SLF1: variants seen among roughly 807,000 people sequenced by gnomAD.
SLF1 encodes SMC5-SMC6 complex localization factor protein 1.
A neutral mutation model predicts 123.0 loss-of-function variants in SLF1; 105 were observed. The observed-to-expected ratio is 0.85, with a 90% CI of 0.73 to 1.00. The LOEUF (loss-of-function observed/expected upper bound fraction) is 1.00. Among genes scored for constraint, SLF1 ranks in the 50% least tolerant of loss-of-function variants. SLF1 has a pLI of 0.00. For missense variants in SLF1, 1,239 were observed against 1,223.0 expected, an observed-to-expected ratio of 1.01 and a Z score of -0.20; for synonymous variants, 434 against 406.6, an observed-to-expected ratio of 1.07 and a Z score of -0.81.
At chr5:94,664,610 A>G (rs1181494774) in intron 11 of SLF1, among the ~76,000 whole-genome samples, 3 of 152,250 alleles carry the variant, frequency 2.0e-5, no homozygotes, top group African/African-American at 7.2e-5. Flanking sequence ...CATAACAGGC[A>G]TAAGCTTTGT....
At chr5:94,642,498 G>T (rs2152473775) in intron 4 of SLF1, among the ~76,000 whole-genome samples, 1 of 152,330 alleles carries the variant, frequency 6.6e-6, no homozygotes, top group Non-Finnish European at 1.5e-5. Context: ...TAGTTTGGTT[G>T]TCCAGTCTCT....
intron 1 of SLF1, among the ~76,000 whole-genome samples, chr5:94,624,838 C>T (rs1207143713): frequency 6.6e-6 from 1 of 151,800 alleles, no homozygotes; most frequent in African/African-American, 2.4e-5. Flanking sequence ...GACCTTGAAA[C>T]TCTAAAATAC....
chr5:94,690,866 T>C (rs1752984327), intron 18 of SLF1, among the ~76,000 whole-genome samples: 1 of 152,054 alleles, frequency 6.6e-6, no homozygotes, highest in South Asian at 2.1e-4. Context: ...TCATTTCTAT[T>C]TGTTACTCTT....
chr5:94,651,628 T>C, intron 6 of SLF1, 74 bp from the exon 7 acceptor site: 2 of 1,261,356 alleles, frequency 1.6e-6, no homozygotes, highest in East Asian at 3.1e-5. Flanking sequence ...GTTTTTCTTT[T>C]GTGACTTGTG....
At chr5:94,644,506 A>G (rs1054819365) in intron 5 of SLF1, among the ~76,000 whole-genome samples, 4 of 152,096 alleles carry the variant, frequency 2.6e-5, no homozygotes, top group South Asian at 2.1e-4. Context: ...ACTCTTATCT[A>G]TGCTCACTAT....
At chr5:94,635,030 C>A (rs1745597557) in intron 4 of SLF1, among the ~76,000 whole-genome samples, 1 of 152,100 alleles carries the variant, frequency 6.6e-6, no homozygotes, top group South Asian at 2.1e-4. Flanking sequence ...TGTGCAGAAG[C>A]TTTTTAGTTT....
intron 7 of SLF1, 119 bp from the exon 8 acceptor site, chr5:94,653,153 G>T: frequency 9.7e-7 from 1 of 1,027,326 alleles, no homozygotes; most frequent in Non-Finnish European, 1.3e-6. Context: ...CACCGCGCCC[G>T]GCCGTACTTC....
chr5:94,653,298 T>C lies in SLF1; in HGVS notation c.909T>C (p.Asp303=). ...AGGAAATTAAGAAAAAAGATGAAGA[T>C]ATTCAGAGGAGTTATACTTTGAGGA... ...NQKEIKKKDE[D]IQRSYTLRRK... is the part of the protein sequence containing the mutation. Residue 303 remains aspartate (D), a synonymous_variant, in exon 8 of 21, where the codon GAT becomes GAC. Transcript: ENST00000265140. The C allele has an allele frequency of 6.5e-7, 1 of 1,529,766 alleles. No individual in the cohort carries two copies. The highest frequency in any genetic ancestry group is 8.8e-7 in the Non-Finnish European group (1 of 1,139,678). 94.8% of individuals were successfully genotyped at this position (1,529,766 alleles called of 1,614,324 possible). A position where few individuals can be genotyped will look rare whatever the true frequency, so the allele number is the denominator to read the frequency against.
intron 6 of SLF1, 103 bp from the exon 7 acceptor site, chr5:94,651,599 A>T: frequency 1.1e-6 from 1 of 941,040 alleles, no homozygotes; most frequent in Non-Finnish European, 1.5e-6. Flanking sequence ...TATTTTACAA[A>T]ATCTATGTTC....
chr5:94,693,893 TTTATA>T (rs1263998139), intron 20 of SLF1, among the ~76,000 whole-genome samples: 2 of 151,830 alleles, frequency 1.3e-5, no homozygotes, highest in South Asian at 2.1e-4. Context: ...TGGTTGATCT[TTTATA>T]TTAAGTACAT....
Position 94,665,895 on chromosome 5 carries a change from A to G in SLF1, c.1403A>G (p.His468Arg), listed in dbSNP as rs769454262. ...NIDTFSGRYF[H>R]ILSALLHLHP... ...GATACATTTTCTGGTCGATACTTTC[A>G]TATATTGTCAGCTCTTCTTCACCTG... Residue 468 changes from histidine (H) to arginine (R), a missense_variant, in exon 12 of 21, where the codon CAT (histidine) becomes CGT (arginine). By Grantham distance (29) the His-to-Arg change is conservative. Coordinates refer to ENST00000265140, the MANE Select transcript of SLF1 (RefSeq NM_032290.4). The G allele has an allele frequency of 1.3e-6, 2 of 1,548,722 alleles. No individual in the cohort carries two copies. Among genetic ancestry groups the G allele is most frequent in the African/African-American group, 1.4e-5 (1 of 73,112 alleles).
intron 1 of SLF1, among the ~76,000 whole-genome samples, chr5:94,622,737 A>G (rs1561413985): frequency 6.6e-6 from 1 of 152,090 alleles, no homozygotes; most frequent in Admixed American, 6.5e-5. Flanking sequence ...TATATAAATC[A>G]AAGTTTTTTT....
At chr5:94,646,068 T>C (rs1747009270) in intron 5 of SLF1, among the ~76,000 whole-genome samples, 1 of 152,150 alleles carries the variant, frequency 6.6e-6, no homozygotes, top group African/African-American at 2.4e-5. Context: ...CTAAGCAACG[T>C]AGCGAGACTC....
intron 9 of SLF1, among the ~76,000 whole-genome samples, chr5:94,658,496 T>C (rs1289800829): frequency 6.6e-6 from 1 of 152,088 alleles, no homozygotes; most frequent in Non-Finnish European, 1.5e-5. Context: ...TCTTATTCTT[T>C]CCTGGCTTAT....
chr5:94,627,955 G>A (rs1054412771), intron 1 of SLF1, among the ~76,000 whole-genome samples: 21 of 151,510 alleles, frequency 1.4e-4, no homozygotes, highest in South Asian at 4.2e-4. Flanking sequence ...TCAGCCTCCC[G>A]AGTAGCTGGG....
chr5:94,648,813 G>A (rs142194265), intron 5 of SLF1, among the ~76,000 whole-genome samples: 1 of 152,318 alleles, frequency 6.6e-6, no homozygotes, highest in African/African-American at 2.4e-5. Context: ...TTTGGGAACT[G>A]TCATGAACTT....
chr5:94,643,077 T>G (rs543549588), intron 4 of SLF1, among the ~76,000 whole-genome samples, 196 bp from the exon 5 acceptor site: 2 of 152,284 alleles, frequency 1.3e-5, no homozygotes, highest in South Asian at 2.1e-4. Flanking sequence ...ACTACTATGA[T>G]TTCTTAAATA....
intron 11 of SLF1, among the ~76,000 whole-genome samples, chr5:94,664,717 T>C (rs745786512): frequency 9.2e-5 from 14 of 152,210 alleles, no homozygotes; most frequent in Non-Finnish European, 1.5e-4. Context: ...TAAATCTCAC[T>C]ATAATTGTGA....
chr5:94,657,773 A>T (rs1348411192), intron 9 of SLF1, among the ~76,000 whole-genome samples: 2 of 152,062 alleles, frequency 1.3e-5, no homozygotes. Flanking sequence ...TTCTTGCGGA[A>T]TTGATCTTTT....
Sources: allele counts gnomAD v4.1 joint callset (sites outside exome capture counted in the v4.1 genomes callset), GRCh38; gene constraint gnomAD v4.1.1; transcripts MANE v1.5; gene names NCBI Gene and HGNC (gene_info 2026-07-23, HGNC 2026-07-21).